Variants in CIT observed in about 807,000 individuals in gnomAD.
The protein encoded by CIT is citron rho-interacting serine/threonine kinase.
CIT carries 79 observed loss-of-function variants against 272.7 expected under a neutral mutation model. That is an observed-to-expected ratio of 0.29 (90% CI 0.24 to 0.35). The LOEUF (loss-of-function observed/expected upper bound fraction) is 0.35. Among genes scored for constraint, CIT ranks in the 10% least tolerant of loss-of-function variants. CIT has a pLI of 1.00. For synonymous variants in CIT, 948 were observed against 995.6 expected, an observed-to-expected ratio of 0.95 and a Z score of 0.90; for missense variants, 1,909 against 2,618.3, an observed-to-expected ratio of 0.73 and a Z score of 5.91.
intron 44 of CIT, 29 bp downstream of exon 44, chr12:119,700,716 G>A: frequency 6.5e-7 from 1 of 1,538,902 alleles, no homozygotes. Flanking sequence ...GCTGGCAAAA[G>A]AGAAGCCCCC....
At position 119,850,262 on chromosome 12, in the gene CIT, T is replaced by G; in HGVS notation, c.428A>C (p.Glu143Ala). 1.2e-6 allele frequency: 2 copies of G among 1,609,920 alleles called. No homozygotes were observed. Among genetic ancestry groups the G allele is most frequent in the Non-Finnish European group, 8.5e-7 (1 of 1,177,858 alleles). ...TCGAGATAATATGTTCCGCTCTTCC[T>G]CAAAAAATGAAACCTAGGGAAAAAA... ...LLAQEQVSFF[E>A]EERNILSRST... The change falls in exon 5 of 48, where the codon GAG (glutamate) becomes GCG (alanine). Residue 143 changes from glutamate to alanine, a missense_variant. Glu to Ala is a moderately radical substitution (Grantham distance 107, BLOSUM62 -1). Transcript: ENST00000392521.
At chr12:119,793,139 A>G (rs1965464307) in intron 10 of CIT, among the ~76,000 whole-genome samples, 1 of 151,980 alleles carries the variant, frequency 6.6e-6, no homozygotes, top group Non-Finnish European at 1.5e-5. Flanking sequence ...ATACATACTG[A>G]CACACACCAC....
intron 7 of CIT, among the ~76,000 whole-genome samples, chr12:119,830,700 A>T (rs1968555897): frequency 6.6e-6 from 1 of 152,130 alleles, no homozygotes; most frequent in Non-Finnish European, 1.5e-5. Flanking sequence ...TGCTAATGGC[A>T]TCTAGGAGGT....
intron 41 of CIT, among the ~76,000 whole-genome samples, 174 bp from the exon 42 acceptor site, chr12:119,702,132 T>G (rs1307353854): frequency 6.6e-6 from 1 of 151,178 alleles, no homozygotes; most frequent in African/African-American, 2.4e-5. Flanking sequence ...GGAGACAAGA[T>G]CTCGCTCTGT....
rs1000878617 is a variant in CIT, at chr12:119,770,408, C to T, written c.2208+377G>A. Among the ~76,000 whole-genome samples, 1 of 152,046 alleles carries T rather than the reference C, an allele frequency of 6.6e-6. No homozygotes were observed. Among genetic ancestry groups the T allele is most frequent in the African/African-American group, 2.4e-5 (1 of 41,378 alleles). On this transcript the variant is annotated intron_variant, in intron 18 of 47. Coordinates refer to ENST00000392521, the MANE Select transcript of CIT (RefSeq NM_001206999.2). This position sits in a 1 kb window ranked among gnomAD's most constrained non-coding sequence, Gnocchi z 4.4. The stretch of plus-strand genomic sequence containing the variant: ...GAATCTGAATTTCGGTCTTAAAGGT[C>T]TAAACCCCTACAGCTTTTTAAATTG...
At chr12:119,844,953 T>C (rs886687056) in intron 5 of CIT, among the ~76,000 whole-genome samples, 3 of 151,894 alleles carry the variant, frequency 2.0e-5, no homozygotes, top group African/African-American at 7.3e-5. Context: ...ACCCCGTCTC[T>C]ACTAAAAATA....
intron 2 of CIT, among the ~76,000 whole-genome samples, chr12:119,875,844 C>A (rs986506184): frequency 6.6e-6 from 1 of 151,970 alleles, no homozygotes; most frequent in Non-Finnish European, 1.5e-5. Flanking sequence ...AAAATTTAGC[C>A]GGGTGTGGTG....
chr12:119,816,618 TCCTA>T (rs1967208595), intron 9 of CIT, among the ~76,000 whole-genome samples: 1 of 152,142 alleles, frequency 6.6e-6, no homozygotes, highest in Non-Finnish European at 1.5e-5. Context: ...TCTAACAAGC[TCCTA>T]GATGATTCCG....
intron 10 of CIT, among the ~76,000 whole-genome samples, chr12:119,794,502 G>A (rs1965564753): frequency 6.6e-6 from 1 of 152,188 alleles, no homozygotes; most frequent in Non-Finnish European, 1.5e-5. Flanking sequence ...CCATCCAGGG[G>A]ATACCCAAGT....
intron 7 of CIT, among the ~76,000 whole-genome samples, chr12:119,831,045 TTG>T (rs1247750811): frequency 1.3e-5 from 2 of 152,122 alleles, no homozygotes; most frequent in African/African-American, 4.8e-5. Flanking sequence ...TTTTGATTTT[TTG>T]TAGAGACTAG....
intron 23 of CIT, 67 bp downstream of exon 23, chr12:119,751,983 G>T: frequency 7.2e-7 from 1 of 1,381,486 alleles, no homozygotes. Flanking sequence ...AGTATACTCA[G>T]TGCCAGTTCC....
chr12:119,836,085 G>A (rs554096589), intron 5 of CIT, among the ~76,000 whole-genome samples: 3 of 151,832 alleles, frequency 2.0e-5, no homozygotes, highest in Admixed American at 6.6e-5. Flanking sequence ...TCAAGAGATC[G>A]AGACCACCCT....
intron 14 of CIT, 25 bp from the exon 15 acceptor site, chr12:119,776,433 T>C (rs1963752720): frequency 3.1e-6 from 5 of 1,605,598 alleles, no homozygotes; most frequent in Non-Finnish European, 4.3e-6. Context: ...ACACAACATA[T>C]TGGGAAATCT....
At chr12:119,824,943 C>T (rs747063456) in intron 8 of CIT, among the ~76,000 whole-genome samples, 10 of 152,070 alleles carry the variant, frequency 6.6e-5, no homozygotes, top group Non-Finnish European at 1.2e-4. Flanking sequence ...GGACTACAGG[C>T]GCCCACCACC....
intron 3 of CIT, among the ~76,000 whole-genome samples, chr12:119,867,242 G>A (rs1174530736): frequency 6.6e-6 from 1 of 151,752 alleles, no homozygotes; most frequent in African/African-American, 2.4e-5. Context: ...AAGCTGGAGT[G>A]CAATGGTGAG....
chr12:119,706,827 G>A (rs190402619), intron 40 of CIT, among the ~76,000 whole-genome samples: 19 of 152,148 alleles, frequency 1.2e-4, no homozygotes, highest in Non-Finnish European at 2.5e-4. Context: ...TGGGTTGAAT[G>A]GTATTTCCAT....
chr12:119,726,761 C>T (rs1958135699), intron 28 of CIT, among the ~76,000 whole-genome samples: 1 of 152,042 alleles, frequency 6.6e-6, no homozygotes, highest in Non-Finnish European at 1.5e-5. Flanking sequence ...TCCTAAAGAA[C>T]AAAGCGGAAT....
chr12:119,759,700 G>A (rs753972057), intron 20 of CIT, among the ~76,000 whole-genome samples: 1 of 152,082 alleles, frequency 6.6e-6, no homozygotes, highest in Admixed American at 6.6e-5. Context: ...GATAGTCTGA[G>A]GTGGTACGGT....
intron 2 of CIT, among the ~76,000 whole-genome samples, chr12:119,871,905 C>G (rs1031621363): frequency 3.9e-5 from 6 of 152,138 alleles, no homozygotes; most frequent in Admixed American, 3.9e-4. Flanking sequence ...GCATTCAAGG[C>G]CACCATATCT....
Sources: allele counts gnomAD v4.1 joint callset (sites outside exome capture counted in the v4.1 genomes callset), GRCh38; gene constraint gnomAD v4.1.1; non-coding constraint Gnocchi (gnomAD v3.1); transcripts MANE v1.5; gene names NCBI Gene and HGNC (gene_info 2026-07-23, HGNC 2026-07-21).